Variants in SPAG16 observed in about 807,000 individuals in gnomAD.
SPAG16 encodes sperm-associated antigen 16 protein.
SPAG16 carries 86 observed loss-of-function variants against 80.4 expected under a neutral mutation model. The ratio of observed to expected loss-of-function variants is 1.07; its 90% CI spans 0.90 to 1.28. SPAG16 has a LOEUF of 1.28. Ranked by LOEUF, SPAG16 falls within the 50% of genes most tolerant of loss-of-function variation. The pLI, the probability that SPAG16 is intolerant of heterozygous loss-of-function variation, is 0.00. For synonymous variants in SPAG16, 294 were observed against 265.9 expected (o/e 1.11, Z -1.03); for missense variants, 870 against 765.3 (o/e 1.14, Z -1.61).
chr2:214,155,345 C>T (rs2056167386), intron 15 of SPAG16, among the ~76,000 whole-genome samples: 1 of 152,194 alleles, frequency 6.6e-6, no homozygotes. Flanking sequence ...GGTTGGCAAA[C>T]TACTGCCCAT....
At chr2:213,711,608 A>T (rs781686103) in intron 10 of SPAG16, among the ~76,000 whole-genome samples, 1 of 149,030 alleles carries the variant, frequency 6.7e-6, no homozygotes, top group African/African-American at 2.5e-5. Flanking sequence ...CTGCAATTCC[A>T]CCTCAGGTTC....
rs2073850892 is a variant in SPAG16 at position 213,833,503 on chromosome 2, AT to A, written c.1071-28980del. ...TATATATATTATATATAATATATAT[AT>A]TATATATAATATATATAATATATAT... is the stretch of plus-strand genomic sequence containing the variant. On this transcript the variant is annotated intron_variant, in intron 10 of 15. Transcript: ENST00000331683. Among the ~76,000 whole-genome samples the A allele has an allele frequency of 1.8e-3, 7 of 3,902 alleles. 1 individual carries two copies. The highest frequency in any genetic ancestry group is 0.013 in the Admixed American group (2 of 154). The allele number at this position is 3,902 out of a possible 152,430, so 2.6% of individuals were successfully genotyped here. A position where few individuals can be genotyped will look rare whatever the true frequency, so the allele number is the denominator to read the frequency against.
chr2:213,293,825 T>G (rs1232173699), intron 1 of SPAG16, among the ~76,000 whole-genome samples: 3 of 152,232 alleles, frequency 2.0e-5, no homozygotes, highest in Non-Finnish European at 4.4e-5. Context: ...ATATTCTAGG[T>G]GTACAACATA....
At chr2:214,093,705 A>G (rs1314517641) in intron 13 of SPAG16, among the ~76,000 whole-genome samples, 3 of 152,092 alleles carry the variant, frequency 2.0e-5, no homozygotes, top group African/African-American at 7.2e-5. Flanking sequence ...TATTAACTTA[A>G]TGCTCTAGTG....
chr2:214,274,279 C>G (rs1692279460), intron 15 of SPAG16, among the ~76,000 whole-genome samples: 1 of 152,088 alleles, frequency 6.6e-6, no homozygotes, highest in Admixed American at 6.5e-5. Context: ...AATTGAATAC[C>G]CTTTATTTCT....
intron 13 of SPAG16, among the ~76,000 whole-genome samples, chr2:214,020,989 A>G (rs1309851117): frequency 6.6e-6 from 1 of 152,138 alleles, no homozygotes; most frequent in African/African-American, 2.4e-5. Context: ...TTTATTGTTA[A>G]AATGTCACCT....
chr2:213,740,618 A>G (rs1245197183), intron 10 of SPAG16, among the ~76,000 whole-genome samples: 3 of 152,244 alleles, frequency 2.0e-5, no homozygotes, highest in Admixed American at 6.5e-5. Context: ...TCAGCAAGGC[A>G]TCATATGCCA....
At chr2:213,502,247 T>C (rs954149088) in intron 10 of SPAG16, among the ~76,000 whole-genome samples, 2 of 152,002 alleles carry the variant, frequency 1.3e-5, no homozygotes, top group Non-Finnish European at 2.9e-5. Context: ...TGTCTCAGCC[T>C]CCCCCGTAGC....
At chr2:213,573,642 A>G (rs1027757301) in intron 10 of SPAG16, among the ~76,000 whole-genome samples, 1 of 152,114 alleles carries the variant, frequency 6.6e-6, no homozygotes, top group Non-Finnish European at 1.5e-5. Flanking sequence ...CATATTTTGT[A>G]TATATTTTTA....
intron 15 of SPAG16, among the ~76,000 whole-genome samples, chr2:214,166,309 G>T (rs2056653640): frequency 6.6e-6 from 1 of 152,136 alleles, no homozygotes. Flanking sequence ...TCCCTGGGAG[G>T]CTGACTTGCC....
At chr2:213,816,150 C>G (rs1199114193) in intron 10 of SPAG16, among the ~76,000 whole-genome samples, 2 of 152,130 alleles carry the variant, frequency 1.3e-5, no homozygotes, top group African/African-American at 4.8e-5. Flanking sequence ...GTTTTTGAAA[C>G]TTTCATAAAT....
chr2:214,242,061 A>G (rs907897235), intron 15 of SPAG16, among the ~76,000 whole-genome samples: 2 of 152,234 alleles, frequency 1.3e-5, no homozygotes, highest in African/African-American at 2.4e-5. Context: ...TCTTGTTACT[A>G]TAATTCTATA....
intron 13 of SPAG16, among the ~76,000 whole-genome samples, chr2:214,078,967 A>T (rs2051224262): frequency 6.6e-6 from 1 of 152,210 alleles, no homozygotes; most frequent in African/African-American, 2.4e-5. Context: ...AGAAAAAGGC[A>T]GCAACAACCA....
intron 11 of SPAG16, among the ~76,000 whole-genome samples, chr2:213,897,169 A>T (rs2077027857): frequency 6.6e-6 from 1 of 152,170 alleles, no homozygotes; most frequent in Non-Finnish European, 1.5e-5. Flanking sequence ...GTATTAAATT[A>T]TTATTTGTAC....
At chr2:214,078,748 A>G (rs2051211850) in intron 13 of SPAG16, among the ~76,000 whole-genome samples, 1 of 152,298 alleles carries the variant, frequency 6.6e-6, no homozygotes, top group African/African-American at 2.4e-5. Context: ...TGAGGAAATG[A>G]CATGATAAAT....
intron 15 of SPAG16, among the ~76,000 whole-genome samples, chr2:214,352,574 G>GTGTGTGTGTGTGTGAGTGTGTGTGTA (rs1229584115): frequency 1.6e-5 from 1 of 61,268 alleles, no homozygotes; most frequent in African/African-American, 3.1e-5. Flanking sequence ...GTGTGTGTGT[G>GTGTGTGTGTGTGTGAGTGTGTGTGTA]TATGTGTGAC....
rs1317066139 is a variant in SPAG16, at chr2:214,193,435, G to A, written c.1720+44169G>A. ...TGTGTGTGTGTGTGTATGAGAGAGA[G>A]AGAGAGAGAGAGAGAGAGAGAGAGA... On this transcript the variant is annotated intron_variant, in intron 15 of 15. Coordinates refer to ENST00000331683, the MANE Select transcript of SPAG16 (RefSeq NM_024532.5). 7.5e-4 allele frequency among the ~76,000 whole-genome samples: 106 copies of A among 141,922 alleles called. No homozygotes were observed. The South Asian group carries it at 0.01, about 14-fold the overall frequency. 93.1% of individuals were successfully genotyped at this position (141,922 alleles called of 152,430 possible).
At chr2:214,175,660 C>G (rs1414335222) in intron 15 of SPAG16, among the ~76,000 whole-genome samples, 4 of 151,388 alleles carry the variant, frequency 2.6e-5, no homozygotes, top group Non-Finnish European at 4.4e-5. Context: ...TTAGGTTGAT[C>G]AAACAATATA....
intron 15 of SPAG16, among the ~76,000 whole-genome samples, chr2:214,293,057 G>A (rs1160681261): frequency 6.6e-6 from 1 of 152,166 alleles, no homozygotes; most frequent in Non-Finnish European, 1.5e-5. Context: ...GGTGGGCTAA[G>A]CATGCCTTAC....
Sources: gnomAD v4.1 joint callset for allele counts (sites outside exome capture counted in the v4.1 genomes callset) on GRCh38, gnomAD v4.1.1 for gene constraint, MANE v1.5 for transcripts, NCBI Gene and HGNC (gene_info 2026-07-23, HGNC 2026-07-21) for gene names.